Variants in LRRIQ4 observed in about 807,000 individuals in gnomAD.
LRRIQ4 encodes the protein leucine rich repeats and IQ motif containing 4.
A neutral mutation model predicts 40.1 loss-of-function variants in LRRIQ4; 21 were observed. That is an observed-to-expected ratio of 0.52 (90% confidence interval 0.37 to 0.75). The LOEUF is 0.75. LRRIQ4 is among the 30% of genes least tolerant of loss of function. LRRIQ4 has a pLI of 0.00. For synonymous variants in LRRIQ4, 277 were observed against 277.1 expected (o/e 1.00, Z 0.00); for missense variants, 655 against 660.0 (o/e 0.99, Z 0.08).
intron 4 of LRRIQ4, 40 bp downstream of exon 4, chr3:169,830,670 T>C (rs1418330637): frequency 3.7e-6 from 6 of 1,612,438 alleles, no homozygotes; most frequent in African/African-American, 2.7e-5. Context: ...GCAGAGTTTG[T>C]GGCCAGCATT....
intron 1 of LRRIQ4, among the ~76,000 whole-genome samples, chr3:169,816,321 T>A (rs1162259639): frequency 6.6e-6 from 1 of 152,212 alleles, no homozygotes. Flanking sequence ...CTTTTTATTA[T>A]GACTTTGATC....
rs1219131939 is a variant in LRRIQ4 at position 169,822,087 on chromosome 3, G to A, written c.166G>A (p.Glu56Lys). The A allele has an allele frequency of 1.2e-6, 2 of 1,608,612 alleles. No individual in the cohort carries two copies. The highest frequency in any genetic ancestry group is 1.7e-6 in the Non-Finnish European group (2 of 1,178,668). Reference sequence around the variant, plus strand: ...CACAGAATTAGAAGAAGTGCATTTGGAGAATAACCAGATTGAAGAAATTCC... The same window carrying A: ...CACAGAATTAGAAGAAGTGCATTTGAAGAATAACCAGATTGAAGAAATTCC... ...TFTELEEVHL[E>K]NNQIEEIPQE... The change falls in exon 2 of 6, where the codon GAG becomes AAG. Residue 56 changes from glutamate to lysine, a missense_variant. By Grantham distance (56) the Glu-to-Lys change is moderately conservative. Coordinates refer to ENST00000340806, the MANE Select transcript of LRRIQ4 (RefSeq NM_001080460.3).
chr3:169,819,361 A>G (rs971038577), intron 1 of LRRIQ4, among the ~76,000 whole-genome samples: 1 of 152,160 alleles, frequency 6.6e-6, no homozygotes, highest in African/African-American at 2.4e-5. Context: ...TACACACACA[A>G]TCAGATATTC....
chr3:169,833,209 A>G lies in LRRIQ4; in HGVS notation c.1530+26A>G, dbSNP rs1043897904. The G allele has an allele frequency of 2.5e-6, 4 of 1,590,062 alleles. No homozygotes were observed. In the African/African-American group the frequency reaches 5.4e-5, roughly 21 times the overall value. On this transcript the variant is annotated intron_variant, in intron 5 of 5. Transcript: ENST00000340806. ...GTAAAATCAGCCCAGATTCTTGATA[A>G]CAGTTGCTTTAGAGGGAGTCTAATG...
At chr3:169,815,843 A>G (rs1287849637) in intron 1 of LRRIQ4, among the ~76,000 whole-genome samples, 1 of 152,224 alleles carries the variant, frequency 6.6e-6, no homozygotes, top group Non-Finnish European at 1.5e-5. Flanking sequence ...GGCTTTTATC[A>G]TGAAGTGATG....
intron 2 of LRRIQ4, among the ~76,000 whole-genome samples, chr3:169,826,092 T>C (rs1780035010): frequency 6.6e-6 from 1 of 152,122 alleles, no homozygotes; most frequent in Non-Finnish European, 1.5e-5. Flanking sequence ...AGTATACTTC[T>C]ATTAAAGGAG....
At chr3:169,835,275 G>T (rs1348955098) in intron 5 of LRRIQ4, among the ~76,000 whole-genome samples, 1 of 152,090 alleles carries the variant, frequency 6.6e-6, no homozygotes, top group African/African-American at 2.4e-5. Flanking sequence ...GGTAGAATTA[G>T]AAACCACCTG....
At chr3:169,836,582 A>G (rs1307922924) in intron 5 of LRRIQ4, among the ~76,000 whole-genome samples, 1 of 152,182 alleles carries the variant, frequency 6.6e-6, no homozygotes, top group Non-Finnish European at 1.5e-5. Context: ...CCCTGCTGTT[A>G]TGACCTCATA....
At chr3:169,830,771 C>T in intron 4 of LRRIQ4, 141 bp downstream of exon 4, 1 of 1,022,744 alleles carries the variant, frequency 9.8e-7, no homozygotes, top group Non-Finnish European at 1.4e-6. Context: ...GCAGGGCTCA[C>T]TTAGCGACAT....
rs576957990 is a variant in LRRIQ4 at position 169,826,893 on chromosome 3, T to C, written c.1021-1866T>C. On this transcript the variant is annotated intron_variant, in intron 2 of 5. Coordinates refer to ENST00000340806, the MANE Select transcript of LRRIQ4 (RefSeq NM_001080460.3). ...AAACTGGAAAACTGTTACAGCATTT[T>C]TAGGAAAATGAGTCCTTACTCTACA... Among the ~76,000 whole-genome samples, 5 of 152,314 alleles carry C rather than the reference T, an allele frequency of 3.3e-5. No individual in the cohort carries two copies. In the South Asian group the frequency reaches 1.0e-3, roughly 32 times the overall value.
At position 169,830,440 on chromosome 3, in the gene LRRIQ4, T is replaced by C; in HGVS notation, c.1195-52T>C. On this transcript the variant is annotated intron_variant, in intron 3 of 5. Transcript: ENST00000340806. ...GAGCACCCACAGGTGATTCTGGTTA[T>C]TATAATTAATTAATCAAGGTATATT... The C allele has an allele frequency of 2.9e-6, 3 of 1,044,498 alleles. No homozygotes were observed. The South Asian group carries it at 6.5e-5, about 23-fold the overall frequency. The allele number at this position is 1,044,498 out of a possible 1,614,324, so 64.7% of individuals were successfully genotyped here. A position where few individuals can be genotyped will look rare whatever the true frequency, so the allele number is the denominator to read the frequency against.
chr3:169,828,567 A>G (rs1780093319), intron 2 of LRRIQ4, among the ~76,000 whole-genome samples, 192 bp from the exon 3 acceptor site: 1 of 152,208 alleles, frequency 6.6e-6, no homozygotes, highest in African/African-American at 2.4e-5. Flanking sequence ...GTGGTGCATA[A>G]AAGTGAAATC....
intron 1 of LRRIQ4, among the ~76,000 whole-genome samples, chr3:169,819,710 C>T (rs1335775167): frequency 6.6e-6 from 1 of 152,126 alleles, no homozygotes; most frequent in Admixed American, 6.5e-5. Flanking sequence ...ATGATGCCTC[C>T]TGCATAGGAT....
At chr3:169,820,460 G>GA (rs145060444) in intron 1 of LRRIQ4, among the ~76,000 whole-genome samples, 14,633 of 134,938 alleles carry the variant, frequency 0.11, 1,128 homozygotes, top group African/African-American at 0.23. Flanking sequence ...TACCAAAAAA[G>GA]AAAAAAAAAA....
At chr3:169,816,526 C>T (rs1342936583) in intron 1 of LRRIQ4, among the ~76,000 whole-genome samples, 1 of 151,958 alleles carries the variant, frequency 6.6e-6, no homozygotes, top group Non-Finnish European at 1.5e-5. Context: ...TGGATCTTCT[C>T]TCTTTTTCTC....
chr3:169,829,955 C>G (rs1780124619), intron 3 of LRRIQ4, among the ~76,000 whole-genome samples: 1 of 152,210 alleles, frequency 6.6e-6, no homozygotes, highest in Admixed American at 6.5e-5. Flanking sequence ...CACCTTTCAT[C>G]AGCTTTTCCT....
At chr3:169,833,330 G>A in intron 5 of LRRIQ4, 147 bp downstream of exon 5, 1 of 603,990 alleles carries the variant, frequency 1.7e-6, no homozygotes, top group Non-Finnish European at 2.7e-6. Context: ...TGTCCCCAGG[G>A]CTAAGTAAGA....
At chr3:169,836,467 G>A (rs1254454193) in intron 5 of LRRIQ4, among the ~76,000 whole-genome samples, 1 of 148,202 alleles carries the variant, frequency 6.7e-6, no homozygotes, top group Non-Finnish European at 1.5e-5. Flanking sequence ...TTCTCCCTGT[G>A]TCTTCATATA....
intron 2 of LRRIQ4, 134 bp downstream of exon 2, chr3:169,823,075 G>A: frequency 2.9e-6 from 2 of 694,610 alleles, no homozygotes; most frequent in Non-Finnish European, 4.6e-6. Flanking sequence ...TATCCAACAA[G>A]GTGATACTTT....
Sources: gnomAD v4.1 joint callset for allele counts (sites outside exome capture counted in the v4.1 genomes callset) on GRCh38, gnomAD v4.1.1 for gene constraint, MANE v1.5 for transcripts, NCBI Gene and HGNC (gene_info 2026-07-23, HGNC 2026-07-21) for gene names.